GMDS: variants seen among roughly 807,000 people sequenced by gnomAD.
The protein encoded by GMDS is GDP-mannose 4,6-dehydratase.
A neutral mutation model predicts 49.9 loss-of-function variants in GMDS; 20 were observed. That is an observed-to-expected ratio of 0.40 (90% CI 0.28 to 0.58). The LOEUF (loss-of-function observed/expected upper bound fraction) is 0.58. GMDS is among the 20% of genes least tolerant of loss of function. The probability of loss-of-function intolerance (pLI) is 0.42; values close to 1 mark genes in which losing one functional copy is unlikely to be tolerated. For missense variants in GMDS, 362 were observed against 481.4 expected (o/e 0.75, Z 2.32); for synonymous variants, 177 against 178.6 (o/e 0.99, Z 0.07).
In GMDS at chr6:1,637,588, A is replaced by C. The variant is rs1313657509; in HGVS notation, c.988-13048T>G. On this transcript the variant is annotated intron_variant, in intron 9 of 10. Coordinates refer to ENST00000380815, the MANE Select transcript of GMDS (RefSeq NM_001500.4). ...CACTGAAGCACTTGCATCACACATAAATAATGGCACAAGGGGAAGCACGTT... is the reference window on the plus strand; with the variant it reads ...CACTGAAGCACTTGCATCACACATACATAATGGCACAAGGGGAAGCACGTT... 3.3e-5 allele frequency among the ~76,000 whole-genome samples: 5 copies of C among 152,122 alleles called. 1 individual carries two copies. Among genetic ancestry groups the C allele is most frequent in the Admixed American group, 2.6e-4 (4 of 15,280 alleles).
intron 8 of GMDS, among the ~76,000 whole-genome samples, chr6:1,734,694 T>G (rs1766941933): frequency 1.3e-5 from 2 of 152,254 alleles, no homozygotes; most frequent in South Asian, 2.1e-4. Context: ...TCCCTTGCTT[T>G]CTTCTTTTTA....
In GMDS at chr6:1,635,827, A is replaced by G. The variant is rs1175900436; in HGVS notation, c.988-11287T>C. 6.6e-6 allele frequency among the ~76,000 whole-genome samples: 1 copy of G among 152,234 alleles called. No individual in the cohort carries two copies. The highest frequency in any genetic ancestry group is 1.9e-4 in the East Asian group (1 of 5,204). On this transcript the variant is annotated intron_variant, in intron 9 of 10. Coordinates refer to ENST00000380815, the MANE Select transcript of GMDS (RefSeq NM_001500.4). This position sits in a 1 kb window ranked among gnomAD's most constrained non-coding sequence, Gnocchi z 4.7. Reference sequence around the variant, plus strand: ...GATTACAGCCTTGTACATAACCCACAGCCACTCCAGGCAAGCAGGGCCCAG... The same window carrying G: ...GATTACAGCCTTGTACATAACCCACGGCCACTCCAGGCAAGCAGGGCCCAG...
At chr6:1,739,959 T>C (rs1021178206) in intron 8 of GMDS, among the ~76,000 whole-genome samples, 7 of 152,248 alleles carry the variant, frequency 4.6e-5, no homozygotes, top group Non-Finnish European at 8.8e-5. Context: ...TTAGCATAGA[T>C]ACTTCACACA....
At position 1,954,080 on chromosome 6, in the gene GMDS, T is replaced by G. The variant is rs976695208; in HGVS notation, c.643+5787A>C. On this transcript the variant is annotated intron_variant, in intron 6 of 10. Transcript: ENST00000380815. The stretch of plus-strand genomic sequence containing the variant: ...TAGAAAGCTATCATTATATCCACAT[T>G]TGTGGCAAAAAGAATACTGTATGTA... Among the ~76,000 whole-genome samples the G allele has an allele frequency of 2.6e-5, 4 of 152,168 alleles. No individual in the cohort carries two copies. The East Asian group carries it at 7.7e-4, about 29-fold the overall frequency.
chr6:2,142,146 T>C (rs1031837028), intron 1 of GMDS, among the ~76,000 whole-genome samples: 1 of 152,172 alleles, frequency 6.6e-6, no homozygotes, highest in Non-Finnish European at 1.5e-5. Flanking sequence ...CAATTTTACG[T>C]TTTTGTCCCT....
intron 7 of GMDS, among the ~76,000 whole-genome samples, chr6:1,908,220 G>C (rs927147828): frequency 1.3e-5 from 2 of 152,192 alleles, no homozygotes; most frequent in African/African-American, 4.8e-5. Flanking sequence ...GATGGTGTGA[G>C]ATTTCATCAT....
At chr6:1,654,158 T>C (rs1468282750) in intron 9 of GMDS, among the ~76,000 whole-genome samples, 1 of 152,186 alleles carries the variant, frequency 6.6e-6, no homozygotes, top group Non-Finnish European at 1.5e-5. Context: ...CTCTGATGAT[T>C]GGAATGTAAA....
At position 1,778,295 on chromosome 6, in the gene GMDS, G is replaced by A. The variant is rs1443377073; in HGVS notation, c.772-35709C>T. On this transcript the variant is annotated intron_variant, in intron 7 of 10. Transcript: ENST00000380815. The surrounding 1 kb of genome is among the most constrained non-coding windows in gnomAD (Gnocchi z 4.6). ...CCTCTGTGACCCCTAGGTCAAAAGA[G>A]CAAATGCAAAAGTGACAATGTGGAT... 6.6e-6 allele frequency among the ~76,000 whole-genome samples: 1 copy of A among 152,170 alleles called. No individual in the cohort carries two copies. Among genetic ancestry groups the A allele is most frequent in the Non-Finnish European group, 1.5e-5 (1 of 68,040 alleles).
intron 9 of GMDS, among the ~76,000 whole-genome samples, chr6:1,657,944 G>A (rs1302831236): frequency 6.6e-6 from 1 of 151,402 alleles, no homozygotes; most frequent in African/African-American, 2.4e-5. Flanking sequence ...TGAGCTCTGC[G>A]CATGGCAGCA....
At position 1,741,333 on chromosome 6, in the gene GMDS, T is replaced by A. The variant is rs532510160; in HGVS notation, c.890+1135A>T. On this transcript the variant is annotated intron_variant, in intron 8 of 10. Coordinates refer to ENST00000380815, the MANE Select transcript of GMDS (RefSeq NM_001500.4). ...CCCATTTACCATTCTCTCCCCAGCC[T>A]CTTTCCACCCATCCCTTCCTCAGCT... Among the ~76,000 whole-genome samples, 11 of 152,312 alleles carry A rather than the reference T, an allele frequency of 7.2e-5. No homozygotes were observed. In the East Asian group the frequency reaches 2.1e-3, roughly 29 times the overall value.
At chr6:1,849,960 G>A (rs1561844439) in intron 7 of GMDS, among the ~76,000 whole-genome samples, 2 of 152,152 alleles carry the variant, frequency 1.3e-5, no homozygotes, top group South Asian at 4.1e-4. Flanking sequence ...AGGAAGCTAG[G>A]TCTTAAAGAG....
At chr6:1,992,395 C>G (rs1162548183) in intron 4 of GMDS, among the ~76,000 whole-genome samples, 1 of 152,156 alleles carries the variant, frequency 6.6e-6, no homozygotes, top group Non-Finnish European at 1.5e-5. Flanking sequence ...TCAGGCTAAC[C>G]TCAGGTCTTC....
intron 7 of GMDS, among the ~76,000 whole-genome samples, chr6:1,797,960 C>A (rs1341712053): frequency 6.6e-6 from 1 of 152,200 alleles, no homozygotes; most frequent in Non-Finnish European, 1.5e-5. Context: ...TTGTCTCTGA[C>A]TCATTTTTCA....
At chr6:1,925,984 G>A (rs1356384082) in intron 7 of GMDS, among the ~76,000 whole-genome samples, 1 of 152,188 alleles carries the variant, frequency 6.6e-6, no homozygotes, top group Non-Finnish European at 1.5e-5. Flanking sequence ...ACACCGGCAG[G>A]CCACAGACGG....
intron 9 of GMDS, among the ~76,000 whole-genome samples, chr6:1,669,197 A>G (rs1764335512): frequency 6.6e-6 from 1 of 152,244 alleles, no homozygotes; most frequent in East Asian, 1.9e-4. Context: ...AGCGCAAAGC[A>G]GGGTTGGGCA....
At chr6:1,998,672 T>C (rs1766448376) in intron 4 of GMDS, among the ~76,000 whole-genome samples, 1 of 152,222 alleles carries the variant, frequency 6.6e-6, no homozygotes, top group South Asian at 2.1e-4. Context: ...TTACATAGCA[T>C]TTATAATGTA....
intron 7 of GMDS, among the ~76,000 whole-genome samples, chr6:1,842,227 G>C (rs1040619003): frequency 6.6e-6 from 1 of 152,198 alleles, no homozygotes; most frequent in Non-Finnish European, 1.5e-5. Flanking sequence ...GTCTTCTGTA[G>C]TGGCTTTGCT....
At chr6:1,952,364 T>C (rs1299637580) in intron 6 of GMDS, among the ~76,000 whole-genome samples, 6 of 152,178 alleles carry the variant, frequency 3.9e-5, no homozygotes, top group African/African-American at 1.4e-4. Context: ...TTAAACAAGT[T>C]AGTCAAAATG....
chr6:2,083,215 T>G (rs1003514524), intron 4 of GMDS, among the ~76,000 whole-genome samples: 1 of 152,208 alleles, frequency 6.6e-6, no homozygotes, highest in Non-Finnish European at 1.5e-5. Flanking sequence ...TTTAGCACGA[T>G]GTCGAGCACT....
Sources: allele counts gnomAD v4.1 joint callset (sites outside exome capture counted in the v4.1 genomes callset), GRCh38; gene constraint gnomAD v4.1.1; non-coding constraint Gnocchi (gnomAD v3.1); transcripts MANE v1.5; gene names NCBI Gene and HGNC (gene_info 2026-07-23, HGNC 2026-07-21).